Variants in VSIR observed in about 807,000 individuals in gnomAD.
VSIR encodes the protein V-type immunoglobulin domain-containing suppressor of T-cell activation.
In VSIR, 10 loss-of-function variants were observed where a neutral mutation model predicts 31.0. That is an observed-to-expected ratio of 0.32 (90% CI 0.20 to 0.55). The LOEUF is 0.55. Ranked by LOEUF, VSIR falls within the 20% of genes least tolerant of loss-of-function variation. The pLI, the probability that VSIR is intolerant of heterozygous loss-of-function variation, is 0.93. For missense variants in VSIR, 356 were observed against 416.2 expected (o/e 0.86, Z 1.26); for synonymous variants, 179 against 180.1 (o/e 0.99, Z 0.05).
chr10:71,759,313 C>T (rs1480568893), intron 3 of VSIR, among the ~76,000 whole-genome samples: 2 of 151,706 alleles, frequency 1.3e-5, no homozygotes, highest in Non-Finnish European at 1.5e-5. Context: ...GCTGGGATTA[C>T]AGGCGTGAGC....
intron 1 of VSIR, among the ~76,000 whole-genome samples, chr10:71,773,063 C>G (rs1390852782): frequency 6.6e-6 from 1 of 152,256 alleles, no homozygotes; most frequent in Non-Finnish European, 1.5e-5. Flanking sequence ...CTACCTGTGC[C>G]CTGGGTTCTC....
Position 71,751,962 on chromosome 10 carries a change from T to A in VSIR, c.705-101A>T. The A allele has an allele frequency of 8.2e-7, 1 of 1,222,050 alleles. No individual in the cohort carries two copies. The highest frequency in any genetic ancestry group is 1.2e-6 in the Non-Finnish European group (1 of 862,936). The allele number at this position is 1,222,050 out of a possible 1,614,324, so 75.7% of individuals were successfully genotyped here. A position where few individuals can be genotyped will look rare whatever the true frequency, so the allele number is the denominator to read the frequency against. Reference sequence around the variant, plus strand: ...CTCTCCTCCCTTTCTCTCACCTACATCCCCATCCCCAAGCCTCAGCAGCAT... The same window carrying A: ...CTCTCCTCCCTTTCTCTCACCTACAACCCCATCCCCAAGCCTCAGCAGCAT... On this transcript the variant is annotated intron_variant, in intron 5 of 6. Transcript: ENST00000394957. The surrounding 1 kb of genome is among the most constrained non-coding windows in gnomAD (Gnocchi z 4.9).
rs567067610 is a variant in VSIR at position 71,758,847 on chromosome 10, C to T, written c.568+2021G>A. On this transcript the variant is annotated intron_variant, in intron 3 of 6. Transcript: ENST00000394957. ...TTCAAGACCAGCCTGGGCAACATAG[C>T]GAGAGTGCATCTCTACCAAAAGTGA... 1.8e-4 allele frequency among the ~76,000 whole-genome samples: 27 copies of T among 152,222 alleles called. No individual in the cohort carries two copies. In the South Asian group the frequency reaches 3.3e-3, roughly 19 times the overall value.
At chr10:71,762,786 G>A (rs146716326) in intron 1 of VSIR, among the ~76,000 whole-genome samples, 59 of 152,354 alleles carry the variant, frequency 3.9e-4, no homozygotes, top group African/African-American at 1.3e-3. Context: ...CTGAGGGACC[G>A]GGACAGAGAG....
Position 71,749,820 on chromosome 10 carries a change from C to T in VSIR, c.*1433G>A, listed in dbSNP as rs1167216530. ...CTCCCCTTTTCCATCCCCCCAACCC[C>T]CCAAGCAATTGGGCGAACATCTTCC... On this transcript the variant is annotated 3_prime_UTR_variant, in exon 7 of 7. Coordinates refer to ENST00000394957, the MANE Select transcript of VSIR (RefSeq NM_022153.2). 6.6e-6 allele frequency: 1 copy of T among 152,370 alleles called. No individual in the cohort carries two copies. The highest frequency in any genetic ancestry group is 1.5e-5 in the Non-Finnish European group (1 of 68,196). 9.4% of individuals were successfully genotyped at this position (152,370 alleles called of 1,614,324 possible). A position where few individuals can be genotyped will look rare whatever the true frequency, so the allele number is the denominator to read the frequency against.
chr10:71,762,340 G>T (rs965487896), intron 1 of VSIR, among the ~76,000 whole-genome samples: 4 of 152,338 alleles, frequency 2.6e-5, no homozygotes, highest in Middle Eastern at 3.4e-3. Flanking sequence ...AACCTGTTGG[G>T]TGGGAGGCAG....
chr10:71,759,846 C>CACACACATACACACACACACAT (rs776230069), intron 3 of VSIR, among the ~76,000 whole-genome samples: 4 of 59,932 alleles, frequency 6.7e-5, no homozygotes, highest in African/African-American at 2.4e-4. Flanking sequence ...CACACACACA[C>CACACACATACACACACACACAT]ATATACACAC....
chr10:71,754,917 G>A (rs1398132306), intron 4 of VSIR, among the ~76,000 whole-genome samples: 1 of 152,178 alleles, frequency 6.6e-6, no homozygotes, highest in East Asian at 1.9e-4. Flanking sequence ...AGAAAGGGTT[G>A]AGCTAAGTTG....
At chr10:71,757,372 C>A (rs1172935730) in intron 3 of VSIR, among the ~76,000 whole-genome samples, 1 of 152,190 alleles carries the variant, frequency 6.6e-6, no homozygotes, top group Admixed American at 6.5e-5. Context: ...ACTTTGAGAG[C>A]CTGAGGCTTC....
intron 5 of VSIR, among the ~76,000 whole-genome samples, chr10:71,752,237 C>A (rs1840023381): frequency 6.6e-6 from 1 of 152,210 alleles, no homozygotes; most frequent in Non-Finnish European, 1.5e-5. Flanking sequence ...TCGAACATCC[C>A]CAAAGCCTGT....
intron 3 of VSIR, among the ~76,000 whole-genome samples, chr10:71,756,181 C>A (rs1032326807): frequency 1.3e-5 from 2 of 152,096 alleles, no homozygotes; most frequent in Admixed American, 1.3e-4. Context: ...AAAAAATATT[C>A]GAATCTCCTC....
At chr10:71,758,168 C>T (rs1840196246) in intron 3 of VSIR, among the ~76,000 whole-genome samples, 1 of 152,076 alleles carries the variant, frequency 6.6e-6, no homozygotes, top group Admixed American at 6.5e-5. Context: ...GACCAAAATG[C>T]ATGTTCTAAT....
Position 71,751,247 on chromosome 10 carries a change from G to C in VSIR, c.*6C>G. 1.2e-6 allele frequency: 2 copies of C among 1,607,826 alleles called. No individual in the cohort carries two copies. Among genetic ancestry groups the C allele is most frequent in the Middle Eastern group, 1.7e-4 (1 of 6,050 alleles). ...AGCCACAACAGCCCACTGTCCCCCA[G>C]CTGGGCTAGATGACCTCAAAGTTTG... On this transcript the variant is annotated 3_prime_UTR_variant, in exon 7 of 7. Coordinates refer to ENST00000394957, the MANE Select transcript of VSIR (RefSeq NM_022153.2). The surrounding 1 kb of genome is among the most constrained non-coding windows in gnomAD (Gnocchi z 4.9).
At chr10:71,765,420 G>A (rs955773735) in intron 1 of VSIR, among the ~76,000 whole-genome samples, 5 of 152,236 alleles carry the variant, frequency 3.3e-5, no homozygotes, top group South Asian at 2.1e-4. Flanking sequence ...GCGCAAAGCT[G>A]AGCTGGGTGG....
chr10:71,771,603 G>A (rs760857663), intron 1 of VSIR, among the ~76,000 whole-genome samples: 6 of 152,220 alleles, frequency 3.9e-5, no homozygotes, highest in Non-Finnish European at 7.3e-5. Flanking sequence ...AGAATCCTGA[G>A]GTCCCAGAGC....
chr10:71,761,005 T>A, intron 2 of VSIR, 81 bp from the exon 3 acceptor site: 1 of 1,427,874 alleles, frequency 7.0e-7, no homozygotes, highest in Non-Finnish European at 9.9e-7. Context: ...AGTGTCCCCC[T>A]CCTGCCCCAG....
At chr10:71,765,408 A>G (rs1840511336) in intron 1 of VSIR, among the ~76,000 whole-genome samples, 2 of 152,192 alleles carry the variant, frequency 1.3e-5, no homozygotes, top group Admixed American at 6.5e-5. Flanking sequence ...CCAAAGCAAG[A>G]TGCGCAAAGC....
At chr10:71,755,256 AATTGTGCCTGC>A in intron 4 of VSIR, 92 bp downstream of exon 4, 2 of 1,034,758 alleles carry the variant, frequency 1.9e-6, no homozygotes. Context: ...AATGAAAAGG[AATTGTGCCTGC>A]ATCGTGCCTT....
chr10:71,749,360 G>A lies in VSIR; in HGVS notation c.*1893C>T, dbSNP rs1201474270. Reference sequence around the variant, plus strand: ...TTTTGCTCCGTCCCCAGGCTGGAGTGTAGTGGCTCGAACACAGCTCACAGC... The same window carrying A: ...TTTTGCTCCGTCCCCAGGCTGGAGTATAGTGGCTCGAACACAGCTCACAGC... On this transcript the variant is annotated 3_prime_UTR_variant, in exon 7 of 7. Coordinates refer to ENST00000394957, the MANE Select transcript of VSIR (RefSeq NM_022153.2). 1 of 152,128 alleles carries A rather than the reference G, an allele frequency of 6.6e-6. No homozygotes were observed. The highest frequency in any genetic ancestry group is 6.5e-5 in the Admixed American group (1 of 15,272). The allele number at this position is 152,128 out of a possible 1,614,324, so 9.4% of individuals were successfully genotyped here.
Sources: allele counts gnomAD v4.1 joint callset (sites outside exome capture counted in the v4.1 genomes callset), GRCh38; gene constraint gnomAD v4.1.1; non-coding constraint Gnocchi (gnomAD v3.1); transcripts MANE v1.5; gene names NCBI Gene and HGNC (gene_info 2026-07-23, HGNC 2026-07-21).